The following CFAP97D2 variants were observed in gnomAD, a reference collection of about 807,000 sequenced individuals.
The protein encoded by CFAP97D2 is CFAP97 domain containing 2.
intron 2 of CFAP97D2, among the ~76,000 whole-genome samples, chr13:114,198,861 G>A (rs1471549080): frequency 2.7e-4 from 17 of 64,008 alleles, no homozygotes; most frequent in South Asian, 1.1e-3. Flanking sequence ...TACGGTCCCC[G>A]CTGAGGGGTG....
chr13:114,222,188 G>A lies in CFAP97D2; in HGVS notation c.481-310G>A, dbSNP rs2081025084. On this transcript the variant is annotated intron_variant, in intron 4 of 4. Transcript: ENST00000646158. The surrounding 1 kb of genome is among the most constrained non-coding windows in gnomAD (Gnocchi z 4.4). ...ACAAAAAGTAATCAGTGGTTGTCGG[G>A]GCTGGGGGAAGGGAAATTGGGGAGT... 6.6e-6 allele frequency among the ~76,000 whole-genome samples: 1 copy of A among 152,194 alleles called. No individual in the cohort carries two copies. The highest frequency in any genetic ancestry group is 2.1e-4 in the South Asian group (1 of 4,830).
At chr13:114,214,485 G>A (rs529352507) in intron 4 of CFAP97D2, among the ~76,000 whole-genome samples, 1 of 152,320 alleles carries the variant, frequency 6.6e-6, no homozygotes, top group South Asian at 2.1e-4. Context: ...TAAGGAACAT[G>A]GGAGTCTTCT....
intron 1 of CFAP97D2, among the ~76,000 whole-genome samples, chr13:114,182,344 C>A (rs985530020): frequency 2.4e-4 from 37 of 152,172 alleles, no homozygotes; most frequent in East Asian, 1.5e-3. Context: ...CTGTTTTTCT[C>A]CTATCTCAGA....
At position 114,219,616 on chromosome 13, in the gene CFAP97D2, G is replaced by A. The variant is rs77473666; in HGVS notation, c.481-2882G>A. On this transcript the variant is annotated intron_variant, in intron 4 of 4. Coordinates refer to ENST00000646158, the Ensembl canonical transcript of CFAP97D2. ...AGACCAGTCACTGCACTTTATTGAA[G>A]TCCCCAGCTTTGGCAATATGGTTCA... 1.2e-3 allele frequency among the ~76,000 whole-genome samples: 186 copies of A among 152,290 alleles called. 1 individual carries two copies. Among genetic ancestry groups the A allele is most frequent in the African/African-American group, 4.3e-3 (180 of 41,552 alleles).
At chr13:114,200,472 C>A in intron 3 of CFAP97D2, 29 bp downstream of exon 3, 1 of 398,434 alleles carries the variant, frequency 2.5e-6, no homozygotes. Context: ...CCATCCCACC[C>A]GGCTCAGCAC....
At position 114,188,271 on chromosome 13, in the gene CFAP97D2, CAAA is replaced by C. The variant is rs35727895; in HGVS notation, c.91-8109_91-8107del. 1.4e-3 allele frequency among the ~76,000 whole-genome samples: 122 copies of C among 84,606 alleles called. 4 individuals are homozygous for C. The South Asian group carries it at 0.029, about 20-fold the overall frequency. The allele number at this position is 84,606 out of a possible 152,430, so 55.5% of individuals were successfully genotyped here. On this transcript the variant is annotated intron_variant, in intron 1 of 4. Coordinates refer to ENST00000646158, the Ensembl canonical transcript of CFAP97D2. ...TGGGTGACAGAGTGAGACCCTGTCT[CAAA>C]AAAAAAAAAAAAAAATCACATAGGT...
intron 4 of CFAP97D2, chr13:114,212,134 T>C (rs2080969741): frequency 2.5e-6 from 1 of 398,602 alleles, no homozygotes; most frequent in Non-Finnish European, 4.4e-6. Flanking sequence ...CTAAAATCCA[T>C]AGCTATTTGA....
At chr13:114,182,905 A>G (rs896068253) in intron 1 of CFAP97D2, among the ~76,000 whole-genome samples, 1 of 152,206 alleles carries the variant, frequency 6.6e-6, no homozygotes, top group Admixed American at 6.5e-5. Context: ...ACATAGACAC[A>G]GTGACAGTCT....
intron 1 of CFAP97D2, among the ~76,000 whole-genome samples, chr13:114,184,996 T>C (rs995861417): frequency 2.0e-5 from 3 of 152,236 alleles, no homozygotes; most frequent in African/African-American, 7.2e-5. Flanking sequence ...ACTGTCATCA[T>C]GTCAGTTGCA....
At chr13:114,182,607 G>A (rs983750865) in intron 1 of CFAP97D2, among the ~76,000 whole-genome samples, 1 of 152,176 alleles carries the variant, frequency 6.6e-6, no homozygotes, top group Non-Finnish European at 1.5e-5. Context: ...GGTCCCTGCG[G>A]CTTTCTGCAG....
At chr13:114,194,529 G>A (rs901121943) in intron 1 of CFAP97D2, among the ~76,000 whole-genome samples, 2 of 152,210 alleles carry the variant, frequency 1.3e-5, no homozygotes, top group African/African-American at 4.8e-5. Flanking sequence ...GAAGGGAGGA[G>A]GGTGGAAGGG....
intron 1 of CFAP97D2, among the ~76,000 whole-genome samples, chr13:114,196,076 CAAAAAA>C (rs57315285): frequency 5.0e-5 from 5 of 100,944 alleles, no homozygotes; most frequent in East Asian, 2.7e-4. Flanking sequence ...GAGCGAGACT[CAAAAAA>C]AAAAAAAAAA....
At chr13:114,194,855 T>A (rs900641680) in intron 1 of CFAP97D2, among the ~76,000 whole-genome samples, 1 of 152,184 alleles carries the variant, frequency 6.6e-6, no homozygotes. Context: ...AACAGTTATG[T>A]TCTCAAATCT....
At chr13:114,208,970 T>C (rs554771301) in intron 3 of CFAP97D2, among the ~76,000 whole-genome samples, 4 of 152,256 alleles carry the variant, frequency 2.6e-5, no homozygotes, top group Non-Finnish European at 5.9e-5. Flanking sequence ...GAGAATTAAA[T>C]AGGACCCCTT....
In CFAP97D2 at chr13:114,208,796, G is replaced by C. The variant is rs556965565; in HGVS notation, c.291-3116G>C. Among the ~76,000 whole-genome samples the C allele has an allele frequency of 2.4e-3, 371 of 152,260 alleles. 2 individuals are homozygous for C. Among genetic ancestry groups the C allele is most frequent in the Admixed American group, 5.3e-3 (81 of 15,296 alleles). On this transcript the variant is annotated intron_variant, in intron 3 of 4. Coordinates refer to ENST00000646158, the Ensembl canonical transcript of CFAP97D2. ...GCCCATGTCTCTAGGATTTGGCTCT[G>C]GCTGGGACGACTTTGGGAACCTTGC...
At chr13:114,200,082 C>T (rs1322732240) in intron 2 of CFAP97D2, among the ~76,000 whole-genome samples, 1 of 137,078 alleles carries the variant, frequency 7.3e-6, no homozygotes, top group African/African-American at 2.6e-5. Flanking sequence ...TTAGGGGTGA[C>T]GGCGTGTCCC....
chr13:114,183,007 CT>C (rs1373674270), intron 1 of CFAP97D2, among the ~76,000 whole-genome samples: 2 of 152,264 alleles, frequency 1.3e-5, no homozygotes, highest in East Asian at 3.9e-4. Flanking sequence ...CCAGAAACTC[CT>C]TTTTCCTCTT....
At chr13:114,182,434 T>G (rs1043361384) in intron 1 of CFAP97D2, among the ~76,000 whole-genome samples, 19 of 152,068 alleles carry the variant, frequency 1.2e-4, no homozygotes, top group African/African-American at 4.3e-4. Context: ...CCTTCCTCTA[T>G]CTCAACTGCA....
downstream of CFAP97D2, chr13:114,223,008 A>G (rs146322066): frequency 6.5e-6 from 1 of 153,850 alleles, no homozygotes; most frequent in African/African-American, 2.4e-5. Flanking sequence ...TTTTTAACTT[A>G]CCTTAAAAGC....
Sources: allele counts gnomAD v4.1 joint callset (sites outside exome capture counted in the v4.1 genomes callset), GRCh38; gene constraint gnomAD v4.1.1; non-coding constraint Gnocchi (gnomAD v3.1); transcripts MANE v1.5; gene names NCBI Gene and HGNC (gene_info 2026-07-23, HGNC 2026-07-21).